DNAH11: variants seen among roughly 807,000 people sequenced by gnomAD.
The protein encoded by DNAH11 is axonemal beta dynein heavy chain 11.
A neutral mutation model predicts 526.0 loss-of-function variants in DNAH11; 442 were observed. The ratio of observed to expected loss-of-function variants is 0.84; its 90% confidence interval spans 0.78 to 0.91. The LOEUF is 0.91. DNAH11 is among the 40% of genes least tolerant of loss of function. The pLI, the probability that DNAH11 is intolerant of heterozygous loss-of-function variation, is 0.00. For synonymous variants in DNAH11, 2,461 were observed against 1,935.9 expected, an observed-to-expected ratio of 1.27 and a Z score of -7.12; for missense variants, 6,989 against 5,448.7, an observed-to-expected ratio of 1.28 and a Z score of -8.90.
At chr7:21,854,762 C>T (rs1020641438) in intron 68 of DNAH11, among the ~76,000 whole-genome samples, 9 of 151,770 alleles carry the variant, frequency 5.9e-5, no homozygotes, top group Admixed American at 2.6e-4. Context: ...AGGCTGGTCT[C>T]GAACTCCTGA....
rs74852067 is a variant in DNAH11, at chr7:21,759,651, G to A, written c.8941-5777G>A. 1.0e-2 allele frequency among the ~76,000 whole-genome samples: 1,517 copies of A among 152,036 alleles called. 9 individuals carry two copies. Among genetic ancestry groups the A allele is most frequent in the Non-Finnish European group, 0.015 (1,047 of 68,016 alleles). On this transcript the variant is annotated intron_variant, in intron 54 of 81. Coordinates refer to ENST00000409508, the MANE Select transcript of DNAH11 (RefSeq NM_001277115.2). ...GCTTCTGAAGTAAATATGTAGGAGG[G>A]TTACTACCATCTGAGAATAAACTAT...
At chr7:21,743,435 T>C (rs1265233825) in intron 49 of DNAH11, among the ~76,000 whole-genome samples, 1 of 152,226 alleles carries the variant, frequency 6.6e-6, no homozygotes, top group Non-Finnish European at 1.5e-5. Flanking sequence ...CTGGAATTAT[T>C]TTTTTAAATC....
chr7:21,828,996 G>C (rs1236274151), intron 65 of DNAH11, among the ~76,000 whole-genome samples: 1 of 151,978 alleles, frequency 6.6e-6, no homozygotes, highest in African/African-American at 2.4e-5. Flanking sequence ...ACCTTTCTTC[G>C]GGAAATGGGT....
chr7:21,839,826 G>A (rs956601332), intron 65 of DNAH11, among the ~76,000 whole-genome samples: 5 of 152,194 alleles, frequency 3.3e-5, no homozygotes, highest in Non-Finnish European at 5.9e-5. Flanking sequence ...GAAGGTTTCT[G>A]TTGTCAGTGT....
At chr7:21,597,531 G>C (rs1784904402) in intron 14 of DNAH11, among the ~76,000 whole-genome samples, 1 of 152,172 alleles carries the variant, frequency 6.6e-6, no homozygotes. Context: ...TACAATCATG[G>C]CAGAAGGCAA....
chr7:21,785,096 T>A lies in DNAH11; in HGVS notation c.9597+556T>A, dbSNP rs186799073. ...TAGCATATTGTTAGGGAAAGTGAAA[T>A]GGGGGGCAATGTTCTTTTAAGAGCC... On this transcript the variant is annotated intron_variant, in intron 58 of 81. Transcript: ENST00000409508. Among the ~76,000 whole-genome samples, 203 of 152,158 alleles carry A rather than the reference T, an allele frequency of 1.3e-3. 1 individual carries two copies. The highest frequency in any genetic ancestry group is 2.1e-3 in the Non-Finnish European group (143 of 67,990).
At chr7:21,610,240 C>A (rs1008045199) in intron 20 of DNAH11, among the ~76,000 whole-genome samples, 17 of 152,050 alleles carry the variant, frequency 1.1e-4, no homozygotes, top group Non-Finnish European at 2.1e-4. Flanking sequence ...GGCGACAGTG[C>A]GAGACTCCAT....
chr7:21,832,537 TG>T, intron 65 of DNAH11, among the ~76,000 whole-genome samples: 1 of 152,322 alleles, frequency 6.6e-6, no homozygotes, highest in East Asian at 1.9e-4. Flanking sequence ...AGCACACTGA[TG>T]GATCTTGACT....
At chr7:21,761,928 A>C (rs1329199008) in intron 54 of DNAH11, among the ~76,000 whole-genome samples, 1 of 152,194 alleles carries the variant, frequency 6.6e-6, no homozygotes, top group East Asian at 1.9e-4. Flanking sequence ...AAAGAGGTTT[A>C]ATTGACTCAC....
At chr7:21,898,644 G>T (rs1173392222) in intron 79 of DNAH11, among the ~76,000 whole-genome samples, 1 of 152,066 alleles carries the variant, frequency 6.6e-6, no homozygotes, top group Non-Finnish European at 1.5e-5. Context: ...TATCGAAGAG[G>T]TTCATCTGTC....
In DNAH11 at chr7:21,635,882, G is replaced by T. The variant is rs1786839637; in HGVS notation, c.4512G>T (p.Gln1504His). Reference protein sequence around the residue: ...ETLEHNQVQLQTLLQSKYVEY... With the variant: ...ETLEHNQVQLHTLLQSKYVEY... ...TGCCTTTATTTTAGGTTCAGTTGCA[G>T]ACTCTTCTTCAAAGCAAGTATGTAG... is the stretch of plus-strand genomic sequence containing the variant. Residue 1504 changes from glutamine (Q) to histidine (H), a missense_variant, in exon 26 of 82, where the codon CAG becomes CAT. Transcript: ENST00000409508. The T allele has an allele frequency of 6.2e-7, 1 of 1,609,640 alleles. No individual in the cohort carries two copies. The highest frequency in any genetic ancestry group is 1.1e-5 in the South Asian group (1 of 90,126).
rs544553237 is a variant in DNAH11, at chr7:21,601,045, C to A, written c.3291C>A (p.Ser1097Arg). 286 of 1,611,926 alleles carry A rather than the reference C, an allele frequency of 1.8e-4. 2 individuals are homozygous for A. In the South Asian group the frequency reaches 2.9e-3, roughly 17 times the overall value. Residue 1097 changes from serine to arginine, a missense_variant, in exon 17 of 82, where the codon AGC becomes AGA. Physicochemically the swap from Ser to Arg is moderately radical, Grantham distance 110. Transcript: ENST00000409508. Reference protein sequence around the residue: ...DIYEALYVQMSKFEDFRVFDS... With the variant: ...DIYEALYVQMRKFEDFRVFDS... The stretch of plus-strand genomic sequence containing the variant: ...ATGAAGCTTTGTATGTTCAAATGAG[C>A]AAATTTGAGGACTTTAGAGTGTTTG...
chr7:21,749,042 C>T (rs1056126335), intron 52 of DNAH11, among the ~76,000 whole-genome samples: 2 of 151,990 alleles, frequency 1.3e-5, no homozygotes, highest in African/African-American at 2.4e-5. Context: ...TTAATCAAAC[C>T]TGATGCGTAT....
chr7:21,677,530 C>T (rs373417871), intron 30 of DNAH11, among the ~76,000 whole-genome samples: 10 of 152,076 alleles, frequency 6.6e-5, no homozygotes, highest in African/African-American at 9.7e-5. Context: ...TACAGGTACA[C>T]GTCACTATGC....
intron 65 of DNAH11, among the ~76,000 whole-genome samples, chr7:21,822,645 C>A (rs1790104563): frequency 6.6e-6 from 1 of 152,184 alleles, no homozygotes; most frequent in Admixed American, 6.5e-5. Flanking sequence ...GATATATGCC[C>A]AGCAGCCATA....
chr7:21,901,368 T>A lies in DNAH11; in HGVS notation c.*114T>A. ...ACTTTTTAGTAACTCACACGTGCAT[T>A]CTTTTTTCAACGCTATCCTTAGAGT... On this transcript the variant is annotated 3_prime_UTR_variant, in exon 82 of 82. Transcript: ENST00000409508. 1 of 1,355,294 alleles carries A rather than the reference T, an allele frequency of 7.4e-7. No homozygotes were observed. Among genetic ancestry groups the A allele is most frequent in the Non-Finnish European group, 9.6e-7 (1 of 1,039,190 alleles). 84.0% of individuals were successfully genotyped at this position (1,355,294 alleles called of 1,614,324 possible). A position where few individuals can be genotyped will look rare whatever the true frequency, so the allele number is the denominator to read the frequency against.
chr7:21,676,665 G>T (rs1782904375), intron 30 of DNAH11, among the ~76,000 whole-genome samples: 1 of 152,212 alleles, frequency 6.6e-6, no homozygotes, highest in African/African-American at 2.4e-5. Context: ...AGAAATCACA[G>T]GTTGTTGGGA....
chr7:21,583,988 A>G (rs1784400839), intron 9 of DNAH11, among the ~76,000 whole-genome samples: 1 of 152,190 alleles, frequency 6.6e-6, no homozygotes, highest in Non-Finnish European at 1.5e-5. Flanking sequence ...TGGGAGTGCA[A>G]ATTAGTTCAA....
At chr7:21,824,894 C>A (rs1790208420) in intron 65 of DNAH11, among the ~76,000 whole-genome samples, 1 of 152,096 alleles carries the variant, frequency 6.6e-6, no homozygotes, top group Non-Finnish European at 1.5e-5. Flanking sequence ...GTTTTTGAAA[C>A]AGAGTCTTGC....
Sources: allele counts gnomAD v4.1 joint callset (sites outside exome capture counted in the v4.1 genomes callset), GRCh38; gene constraint gnomAD v4.1.1; transcripts MANE v1.5; gene names NCBI Gene and HGNC (gene_info 2026-07-23, HGNC 2026-07-21).